MAPK10: variants seen among roughly 807,000 people sequenced by gnomAD.
The protein encoded by MAPK10 is JNK3 alpha protein kinase.
MAPK10 carries 25 observed loss-of-function variants against 59.3 expected under a neutral mutation model. That is an observed-to-expected ratio of 0.42 (90% CI 0.31 to 0.59). The LOEUF (loss-of-function observed/expected upper bound fraction) is 0.59. MAPK10 is among the 20% of genes least tolerant of loss of function. The pLI, the probability that MAPK10 is intolerant of heterozygous loss-of-function variation, is 0.15. For missense variants in MAPK10, 351 were observed against 568.9 expected, an observed-to-expected ratio of 0.62 and a Z score of 3.90; for synonymous variants, 190 against 200.5, an observed-to-expected ratio of 0.95 and a Z score of 0.44.
chr4:86,067,692 A>G (rs536237394), intron 10 of MAPK10, 81 bp downstream of exon 10: 838 of 1,139,544 alleles, frequency 7.4e-4, no homozygotes, highest in Non-Finnish European at 9.8e-4. Flanking sequence ...ACAAAGAGAA[A>G]GAGATAGAGG....
At chr4:86,416,540 G>A (rs887538456) in intron 1 of MAPK10, among the ~76,000 whole-genome samples, 1 of 152,178 alleles carries the variant, frequency 6.6e-6, no homozygotes, top group Non-Finnish European at 1.5e-5. Flanking sequence ...TCTCTCATCT[G>A]TCCCAGAATT....
At chr4:86,310,245 C>T (rs1414575552) in intron 2 of MAPK10, among the ~76,000 whole-genome samples, 6 of 152,104 alleles carry the variant, frequency 3.9e-5, no homozygotes, top group Admixed American at 6.6e-5. Context: ...CCAAGCCGTG[C>T]CCCGACCACC....
At chr4:86,482,492 G>A (rs563031549) in intron 1 of MAPK10, among the ~76,000 whole-genome samples, 1 of 152,184 alleles carries the variant, frequency 6.6e-6, no homozygotes, top group South Asian at 2.1e-4. Flanking sequence ...ATGGTGGGGG[G>A]ATGCAGAGGG....
At chr4:86,300,003 C>T (rs1449703964) in intron 2 of MAPK10, among the ~76,000 whole-genome samples, 1 of 152,058 alleles carries the variant, frequency 6.6e-6, no homozygotes, top group Non-Finnish European at 1.5e-5. Context: ...AGAGATTCTC[C>T]TGCCTCAGCC....
At chr4:86,077,864 T>C (rs1337593010) in intron 9 of MAPK10, among the ~76,000 whole-genome samples, 4 of 152,186 alleles carry the variant, frequency 2.6e-5, no homozygotes, top group African/African-American at 9.7e-5. Context: ...CAATGTTGAG[T>C]AGGCTTGTGT....
intron 11 of MAPK10, among the ~76,000 whole-genome samples, chr4:86,039,402 T>C (rs750937177): frequency 3.9e-5 from 6 of 152,114 alleles, no homozygotes; most frequent in Non-Finnish European, 7.4e-5. Flanking sequence ...GACTTTGCCT[T>C]AGACCCCAAC....
intron 2 of MAPK10, among the ~76,000 whole-genome samples, chr4:86,242,613 A>G (rs1466062718): frequency 6.6e-6 from 1 of 152,190 alleles, no homozygotes; most frequent in Non-Finnish European, 1.5e-5. Context: ...AGACCTGAAG[A>G]GCCACTGTAG....
rs577732720 is a variant in MAPK10, at chr4:86,016,660, A to C, written c.*568T>G. Reference sequence around the variant, plus strand: ...TATATTACAGATGGGTTTATGTCAGAGTAATAGATCACATGAAATGGACCA... The same window carrying C: ...TATATTACAGATGGGTTTATGTCAGCGTAATAGATCACATGAAATGGACCA... On this transcript the variant is annotated 3_prime_UTR_variant, in exon 14 of 14. Coordinates refer to ENST00000641462, the MANE Select transcript of MAPK10 (RefSeq NM_138982.4). The C allele has an allele frequency of 6.5e-6, 1 of 153,798 alleles. No individual in the cohort carries two copies. The highest frequency in any genetic ancestry group is 1.5e-5 in the Non-Finnish European group (1 of 68,894). 9.5% of individuals were successfully genotyped at this position (153,798 alleles called of 1,614,324 possible). A position where few individuals can be genotyped will look rare whatever the true frequency, so the allele number is the denominator to read the frequency against.
intron 2 of MAPK10, among the ~76,000 whole-genome samples, chr4:86,346,950 A>G (rs1320205875): frequency 6.6e-6 from 1 of 152,058 alleles, no homozygotes; most frequent in Non-Finnish European, 1.5e-5. Context: ...ATTAAGATTT[A>G]TATATATCTT....
intron 9 of MAPK10, among the ~76,000 whole-genome samples, chr4:86,094,193 A>G (rs1414948084): frequency 6.6e-6 from 1 of 151,966 alleles, no homozygotes; most frequent in African/African-American, 2.4e-5. Flanking sequence ...TAATGTTCAT[A>G]TTCAAACTTT....
At chr4:86,384,268 T>C (rs1741166453) in intron 1 of MAPK10, 1 of 152,178 alleles carries the variant, frequency 6.6e-6, no homozygotes, top group South Asian at 2.1e-4. Flanking sequence ...ATATAAGTTT[T>C]CAGGCACAAA....
chr4:86,455,749 C>G (rs1197979804), upstream of MAPK10, among the ~76,000 whole-genome samples: 5 of 152,088 alleles, frequency 3.3e-5, no homozygotes, highest in African/African-American at 4.8e-5. Context: ...GACAGGACAT[C>G]AAGACAGAAA....
At chr4:86,386,384 C>G (rs1253353809) in intron 1 of MAPK10, among the ~76,000 whole-genome samples, 1 of 152,174 alleles carries the variant, frequency 6.6e-6, no homozygotes, top group African/African-American at 2.4e-5. Context: ...GGAAGTATCT[C>G]CCTTCACCTC....
intron 1 of MAPK10, among the ~76,000 whole-genome samples, chr4:86,547,472 C>A (rs7661844): frequency 6.6e-6 from 1 of 152,056 alleles, no homozygotes; most frequent in African/African-American, 2.4e-5. Flanking sequence ...AATTTCTCGC[C>A]GGGCCTTAGT....
chr4:86,359,968 G>C lies in MAPK10; in HGVS notation c.-432C>G. On this transcript the variant is annotated 5_prime_UTR_variant, in exon 1 of 14. Coordinates refer to ENST00000641462, the MANE Select transcript of MAPK10 (RefSeq NM_138982.4). ...AATAAAAAGTGAAGGGGAGGTTAAA[G>C]AAAATAGAAGAAGAGTGGCTTGCTG... The C allele has an allele frequency of 1.0e-6, 1 of 985,848 alleles. No individual in the cohort carries two copies. Among genetic ancestry groups the C allele is most frequent in the Non-Finnish European group, 1.2e-6 (1 of 829,960 alleles). The allele number at this position is 985,848 out of a possible 1,614,324, so 61.1% of individuals were successfully genotyped here.
chr4:86,423,272 ATAATT>A (rs1746771811), intron 1 of MAPK10, among the ~76,000 whole-genome samples: 2 of 152,212 alleles, frequency 1.3e-5, no homozygotes, highest in Admixed American at 6.5e-5. Context: ...GTAGAAGAAA[ATAATT>A]TAAATAGCCA....
intron 2 of MAPK10, among the ~76,000 whole-genome samples, chr4:86,216,296 A>C (rs1249160756): frequency 4.0e-5 from 2 of 49,670 alleles, no homozygotes; most frequent in Admixed American, 1.6e-4. Context: ...TATATATAGC[A>C]TATATATATA....
intron 9 of MAPK10, among the ~76,000 whole-genome samples, chr4:86,071,447 T>C (rs562470825): frequency 7.1e-6 from 1 of 140,054 alleles, no homozygotes; most frequent in Admixed American, 7.0e-5. Flanking sequence ...TTTTGGTGTT[T>C]TGGACATGAA....
intron 2 of MAPK10, among the ~76,000 whole-genome samples, chr4:86,352,011 T>C (rs1465609051): frequency 6.6e-6 from 1 of 152,206 alleles, no homozygotes; most frequent in Non-Finnish European, 1.5e-5. Flanking sequence ...AGTACAATTA[T>C]GTATCTACCT....
Sources: gnomAD v4.1 joint callset for allele counts (sites outside exome capture counted in the v4.1 genomes callset) on GRCh38, gnomAD v4.1.1 for gene constraint, MANE v1.5 for transcripts, NCBI Gene and HGNC (gene_info 2026-07-23, HGNC 2026-07-21) for gene names.